MTMR9: variants seen among roughly 807,000 people sequenced by gnomAD.
MTMR9 encodes myotubularin-related protein 9.
In MTMR9, 39 loss-of-function variants were observed where a neutral mutation model predicts 69.5. The observed-to-expected ratio is 0.56, with a 90% CI of 0.43 to 0.73. The LOEUF (loss-of-function observed/expected upper bound fraction) is 0.73, where lower values mean the gene tolerates loss of function less well. Among genes scored for constraint, MTMR9 ranks in the 30% least tolerant of loss-of-function variants. The pLI is 0.00. For missense variants in MTMR9, 900 were observed against 671.2 expected, an observed-to-expected ratio of 1.34 and a Z score of -3.77; for synonymous variants, 354 against 240.8, an observed-to-expected ratio of 1.47 and a Z score of -4.35.
At position 11,322,931 on chromosome 8, in the gene MTMR9, A is replaced by G. The variant is rs959033121; in HGVS notation, c.*143A>G. On this transcript the variant is annotated 3_prime_UTR_variant, in exon 10 of 10. Transcript: ENST00000221086. ...CCCCCCTAATGTAATGGATTTCTCA[A>G]TACTGTATGAATAATGAAACTTACT... 24 of 591,830 alleles carry G rather than the reference A, an allele frequency of 4.1e-5. No homozygotes were observed. The highest frequency in any genetic ancestry group is 4.0e-4 in the African/African-American group (21 of 52,616). The allele number at this position is 591,830 out of a possible 1,614,324, so 36.7% of individuals were successfully genotyped here. A position where few individuals can be genotyped will look rare whatever the true frequency, so the allele number is the denominator to read the frequency against.
the MTMR9 span, among the ~76,000 whole-genome samples, chr8:11,333,749 G>T: frequency 6.6e-6 from 1 of 152,218 alleles, no homozygotes; most frequent in African/African-American, 2.4e-5. Context: ...ATGCTAAAGG[G>T]AGTCCTTGAA....
intron 6 of MTMR9, 117 bp from the exon 7 acceptor site, chr8:11,314,806 A>G: frequency 1.1e-6 from 1 of 923,570 alleles, no homozygotes. Context: ...TCAATACACT[A>G]AATAAACTGA....
chr8:11,292,789 A>G (rs1004529651), intron 1 of MTMR9, among the ~76,000 whole-genome samples: 2 of 152,190 alleles, frequency 1.3e-5, no homozygotes, highest in African/African-American at 4.8e-5. Context: ...ATTATAATGG[A>G]CCTGAAAAGT....
chr8:11,298,767 C>G (rs1799647877), intron 2 of MTMR9: 1 of 979,692 alleles, frequency 1.0e-6, no homozygotes. Context: ...CCATAATCCC[C>G]CTGTGAGAAG....
the MTMR9 span, among the ~76,000 whole-genome samples, chr8:11,337,589 A>T: frequency 6.6e-6 from 1 of 152,240 alleles, no homozygotes; most frequent in African/African-American, 2.4e-5. Flanking sequence ...AGAATGTCAA[A>T]ACAATTGAGA....
At chr8:11,301,661 G>GT in intron 3 of MTMR9, among the ~76,000 whole-genome samples, 1 of 152,272 alleles carries the variant, frequency 6.6e-6, no homozygotes, top group South Asian at 2.1e-4. Flanking sequence ...AGTATTGGGT[G>GT]TTACACAGGT....
chr8:11,321,661 AGACT>A (rs1201985346), intron 9 of MTMR9: 2 of 327,128 alleles, frequency 6.1e-6, no homozygotes, highest in African/African-American at 2.2e-5. Flanking sequence ...ATATTGAATA[AGACT>A]GCTCTTCGGC....
chr8:11,307,202 G>GCTGGGACTA (rs1310778430), intron 5 of MTMR9, among the ~76,000 whole-genome samples: 1 of 152,148 alleles, frequency 6.6e-6, no homozygotes, highest in Admixed American at 6.5e-5. Flanking sequence ...TTCCCAAGTA[G>GCTGGGACTA]CTGGGACTAC....
At chr8:11,315,332 G>C (rs545799246) in intron 7 of MTMR9, among the ~76,000 whole-genome samples, 1 of 152,160 alleles carries the variant, frequency 6.6e-6, no homozygotes, top group African/African-American at 2.4e-5. Context: ...GGGAAGCATA[G>C]TGCAATCTCC....
chr8:11,307,100 C>G (rs575225915), intron 5 of MTMR9, among the ~76,000 whole-genome samples: 4 of 152,202 alleles, frequency 2.6e-5, no homozygotes, highest in African/African-American at 9.6e-5. Flanking sequence ...GGGATGGAGT[C>G]TTGCTCTGTC....
At position 11,284,857 on chromosome 8, in the gene MTMR9, G is replaced by A; in HGVS notation, c.-32G>A. The A allele has an allele frequency of 1.3e-6, 2 of 1,559,366 alleles. No individual in the cohort carries two copies. The highest frequency in any genetic ancestry group is 8.7e-7 in the Non-Finnish European group (1 of 1,155,064). ...GGGGTAACCGCCTCGCACCTACCGG[G>A]CTCGGTTCCCTGGCTCCGGCCGCGG... On this transcript the variant is annotated 5_prime_UTR_variant, in exon 1 of 10. Transcript: ENST00000221086.
Position 11,327,445 on chromosome 8 carries a change from G to A in MTMR9, c.*4657G>A, listed in dbSNP as rs1325067142. The A allele has an allele frequency of 6.6e-6, 1 of 152,192 alleles. No homozygotes were observed. Among genetic ancestry groups the A allele is most frequent in the Non-Finnish European group, 1.5e-5 (1 of 68,032 alleles). 9.4% of individuals were successfully genotyped at this position (152,192 alleles called of 1,614,324 possible). A position where few individuals can be genotyped will look rare whatever the true frequency, so the allele number is the denominator to read the frequency against. On this transcript the variant is annotated 3_prime_UTR_variant, in exon 10 of 10. Transcript: ENST00000221086. ...AAAACTGAGTTGTACAACACTGCCT[G>A]TGTTTGTCTGGCCAAGACATTTGCT...
chr8:11,290,616 T>G (rs924205053), intron 1 of MTMR9, among the ~76,000 whole-genome samples: 16 of 152,286 alleles, frequency 1.1e-4, no homozygotes, highest in African/African-American at 1.4e-4. Context: ...GGATTCTATC[T>G]TTGTTTCAAG....
intron 9 of MTMR9, 51 bp from the exon 10 acceptor site, chr8:11,322,574 T>A (rs749846860): frequency 6.8e-7 from 1 of 1,469,934 alleles, no homozygotes; most frequent in Non-Finnish European, 9.4e-7. Flanking sequence ...GTAATTTTAA[T>A]CCATTGTATA....
At position 11,302,388 on chromosome 8, in the gene MTMR9, A is replaced by G. The variant is rs372594056; in HGVS notation, c.417+2240A>G. Among the ~76,000 whole-genome samples the G allele has an allele frequency of 6.6e-5, 10 of 151,994 alleles. No homozygotes were observed. In the East Asian group the frequency reaches 1.5e-3, roughly 23 times the overall value. On this transcript the variant is annotated intron_variant, in intron 3 of 9. Coordinates refer to ENST00000221086, the MANE Select transcript of MTMR9 (RefSeq NM_015458.4). The stretch of plus-strand genomic sequence containing the variant: ...AGTTATTGAACCCTTAAGCTGAGGT[A>G]TCCCAGCAAATACCATACAAGATAA...
chr8:11,286,393 G>A (rs1799156132), intron 1 of MTMR9, among the ~76,000 whole-genome samples: 1 of 151,654 alleles, frequency 6.6e-6, no homozygotes, highest in Admixed American at 6.6e-5. Context: ...GGCCCGGCAC[G>A]GTGGCTCACG....
chr8:11,291,245 A>C lies in MTMR9; in HGVS notation c.183-3949A>C, dbSNP rs80142138. On this transcript the variant is annotated intron_variant, in intron 1 of 9. Transcript: ENST00000221086. ...ATGAACAATGTTACATTATTTATTC[A>C]GATCTTCCTTTAAGTCCCTTAGTGG... 3.0e-3 allele frequency among the ~76,000 whole-genome samples: 458 copies of C among 152,272 alleles called. 2 individuals are homozygous for C. The highest frequency in any genetic ancestry group is 0.01 in the African/African-American group (436 of 41,586).
chr8:11,293,948 A>G (rs10095689), intron 1 of MTMR9, among the ~76,000 whole-genome samples: 2 of 152,176 alleles, frequency 1.3e-5, no homozygotes, highest in African/African-American at 4.8e-5. Flanking sequence ...CTGTAGCTTT[A>G]TAGTAAGCCT....
At chr8:11,290,691 C>G (rs985126004) in intron 1 of MTMR9, among the ~76,000 whole-genome samples, 7 of 152,046 alleles carry the variant, frequency 4.6e-5, no homozygotes, top group African/African-American at 1.7e-4. Flanking sequence ...ACGTGACAAC[C>G]CAACCTTGGC....
Sources: gnomAD v4.1 joint callset for allele counts (sites outside exome capture counted in the v4.1 genomes callset) on GRCh38, gnomAD v4.1.1 for gene constraint, MANE v1.5 for transcripts, NCBI Gene and HGNC (gene_info 2026-07-23, HGNC 2026-07-21) for gene names.